Variants in USP34 observed in about 807,000 individuals in gnomAD.
The protein encoded by USP34 is ubiquitin specific peptidase 34, also known as ubiquitin carboxyl-terminal hydrolase 34.
In USP34, 70 loss-of-function variants were observed where a neutral mutation model predicts 460.3. The ratio of observed to expected loss-of-function variants is 0.15; its 90% CI spans 0.13 to 0.19. The LOEUF is 0.19. Among genes scored for constraint, USP34 ranks in the 10% least tolerant of loss-of-function variants. USP34 has a pLI of 1.00. For missense variants in USP34, 3,985 were observed against 4,236.2 expected, an observed-to-expected ratio of 0.94 and a Z score of 1.65; for synonymous variants, 1,647 against 1,405.3, an observed-to-expected ratio of 1.17 and a Z score of -3.85.
intron 19 of USP34, among the ~76,000 whole-genome samples, chr2:61,332,028 T>C (rs1338322387): frequency 6.6e-6 from 1 of 152,102 alleles, no homozygotes; most frequent in Admixed American, 6.5e-5. Flanking sequence ...ATAGCCATAT[T>C]TTAAACAGAA....
intron 30 of USP34, 106 bp downstream of exon 30, chr2:61,296,694 T>C (rs758755793): frequency 5.8e-6 from 7 of 1,204,792 alleles, no homozygotes; most frequent in Non-Finnish European, 7.9e-6. Flanking sequence ...GTAAAAACTA[T>C]ATTCAGATTT....
At chr2:61,384,607 A>C (rs182123219) in intron 5 of USP34, among the ~76,000 whole-genome samples, 8 of 152,278 alleles carry the variant, frequency 5.3e-5, no homozygotes, top group Admixed American at 4.6e-4. Flanking sequence ...CAGGAGGTGG[A>C]AGTCTCAGTG....
intron 5 of USP34, among the ~76,000 whole-genome samples, chr2:61,392,786 TTAAG>T (rs1693394690): frequency 2.0e-5 from 3 of 152,194 alleles, no homozygotes; most frequent in Admixed American, 1.3e-4. Flanking sequence ...ATATTCCTGA[TTAAG>T]TAAACCCTTT....
chr2:61,321,985 T>C (rs1690937326), intron 21 of USP34, among the ~76,000 whole-genome samples: 1 of 152,132 alleles, frequency 6.6e-6, no homozygotes, highest in Non-Finnish European at 1.5e-5. Flanking sequence ...TCCCATCACT[T>C]TGGGAGGCCG....
intron 69 of USP34, among the ~76,000 whole-genome samples, chr2:61,211,548 A>G (rs1572838947): frequency 6.6e-6 from 1 of 152,210 alleles, no homozygotes; most frequent in African/African-American, 2.4e-5. Flanking sequence ...GTAGAAGGCT[A>G]TACATAAAGG....
intron 67 of USP34, among the ~76,000 whole-genome samples, chr2:61,219,119 T>G (rs997241689): frequency 6.6e-6 from 1 of 152,220 alleles, no homozygotes; most frequent in African/African-American, 2.4e-5. Context: ...CTCATGAATA[T>G]TTATTTTATC....
chr2:61,452,173 CAAAA>C (rs1348958546), intron 1 of USP34, among the ~76,000 whole-genome samples: 3 of 68,762 alleles, frequency 4.4e-5, no homozygotes, highest in Non-Finnish European at 3.0e-5. Flanking sequence ...GACTCCGTCT[CAAAA>C]AAAAAAAAAA....
intron 75 of USP34, among the ~76,000 whole-genome samples, chr2:61,201,211 GTTTTTT>G (rs59199472): frequency 5.7e-4 from 58 of 101,394 alleles, no homozygotes; most frequent in Non-Finnish European, 6.3e-4. Context: ...CTCATAGAAA[GTTTTTT>G]TTTTTTTTTT....
intron 33 of USP34, among the ~76,000 whole-genome samples, chr2:61,293,258 T>G (rs967975290): frequency 3.3e-5 from 5 of 152,140 alleles, no homozygotes; most frequent in African/African-American, 1.2e-4. Context: ...GTAATTAATT[T>G]TATCAGAAGA....
intron 21 of USP34, 102 bp from the exon 22 acceptor site, chr2:61,319,429 T>A: frequency 1.3e-6 from 1 of 766,670 alleles, no homozygotes; most frequent in East Asian, 3.3e-5. Context: ...TTAACACAGA[T>A]AGGTTCTTGG....
At chr2:61,231,556 A>C (rs1360854103) in intron 58 of USP34, among the ~76,000 whole-genome samples, 5 of 152,122 alleles carry the variant, frequency 3.3e-5, no homozygotes, top group Non-Finnish European at 7.4e-5. Flanking sequence ...TCTACAAAAA[A>C]ATACAAAAAT....
chr2:61,385,399 A>C (rs1326198983), intron 5 of USP34, among the ~76,000 whole-genome samples: 2 of 152,042 alleles, frequency 1.3e-5, no homozygotes, highest in Admixed American at 6.6e-5. Flanking sequence ...TACGACAAGG[A>C]GGCCAGGCGC....
chr2:61,211,566 C>G (rs1687273465), intron 69 of USP34, among the ~76,000 whole-genome samples: 1 of 152,156 alleles, frequency 6.6e-6, no homozygotes. Flanking sequence ...AGGTTCCCTT[C>G]AACCCTAAAA....
intron 1 of USP34, among the ~76,000 whole-genome samples, chr2:61,433,773 C>A (rs1694740957): frequency 2.0e-5 from 3 of 152,188 alleles, no homozygotes; most frequent in African/African-American, 7.2e-5. Context: ...CCCCCACCTA[C>A]CCCCAGTGAA....
At chr2:61,353,563 G>A (rs1025666773) in intron 10 of USP34, among the ~76,000 whole-genome samples, 4 of 123,904 alleles carry the variant, frequency 3.2e-5, no homozygotes. Flanking sequence ...AGCTAGTTTT[G>A]TTTTTGTTTT....
intron 1 of USP34, among the ~76,000 whole-genome samples, chr2:61,450,837 T>C (rs978730783): frequency 7.7e-5 from 10 of 129,862 alleles, no homozygotes; most frequent in African/African-American, 3.0e-4. Flanking sequence ...ACCCCACTTA[T>C]AAACATAATC....
chr2:61,401,895 C>T (rs866569841), intron 3 of USP34, among the ~76,000 whole-genome samples: 1 of 150,522 alleles, frequency 6.6e-6, no homozygotes, highest in Middle Eastern at 3.4e-3. Flanking sequence ...TAGAAAAAAA[C>T]TTACAACACT....
intron 2 of USP34, among the ~76,000 whole-genome samples, chr2:61,409,776 ACCT>A (rs1693985498): frequency 6.6e-6 from 1 of 152,142 alleles, no homozygotes; most frequent in African/African-American, 2.4e-5. Flanking sequence ...TTGATAATGG[ACCT>A]AAGAAACTGA....
At chr2:61,245,629 T>A (rs537436512) in intron 50 of USP34, among the ~76,000 whole-genome samples, 2 of 151,360 alleles carry the variant, frequency 1.3e-5, no homozygotes, top group African/African-American at 4.9e-5. Flanking sequence ...AAATTTATGA[T>A]CAAAAAAAGA....
Sources: allele counts gnomAD v4.1 joint callset (sites outside exome capture counted in the v4.1 genomes callset), GRCh38; gene constraint gnomAD v4.1.1; transcripts MANE v1.5; gene names NCBI Gene and HGNC (gene_info 2026-07-23, HGNC 2026-07-21).